The following PTPRB variants were observed in gnomAD, a reference collection of about 807,000 sequenced individuals.
PTPRB encodes protein tyrosine phosphatase receptor type B.
Under a neutral mutation model 238.1 loss-of-function variants are expected in PTPRB, and 97 were observed. The observed-to-expected ratio is 0.41, with a 90% CI of 0.35 to 0.48. The LOEUF (loss-of-function observed/expected upper bound fraction) is 0.48, where lower values mean the gene tolerates loss of function less well. Ranked by LOEUF, PTPRB falls within the 20% of genes least tolerant of loss-of-function variation. The pLI is 0.30. For synonymous variants in PTPRB, 970 were observed against 995.4 expected (o/e 0.97, Z 0.48); for missense variants, 2,292 against 2,681.9 (o/e 0.85, Z 3.21).
rs564114826 is a variant in PTPRB at position 70,531,954 on chromosome 12, C to T, written c.6504+81G>A. On this transcript the variant is annotated intron_variant, in intron 32 of 33. Transcript: ENST00000334414. ...ATGTGTCATAGTTATTTCCCCTTGT[C>T]AGATTAAGGTCCTGGATATTTTTTT... 2.6e-5 allele frequency: 39 copies of T among 1,509,380 alleles called. No individual in the cohort carries two copies. In the Admixed American group the frequency reaches 6.4e-4, roughly 25 times the overall value. The allele number at this position is 1,509,380 out of a possible 1,614,324, so 93.5% of individuals were successfully genotyped here. A position where few individuals can be genotyped will look rare whatever the true frequency, so the allele number is the denominator to read the frequency against.
rs776475062 is a variant in PTPRB, at chr12:70,559,501, T to C, written c.4556A>G (p.Asp1519Gly). 1 of 1,613,986 alleles carries C rather than the reference T, an allele frequency of 6.2e-7. No homozygotes were observed. The highest frequency in any genetic ancestry group is 1.1e-5 in the South Asian group (1 of 91,076). The part of the protein sequence containing the change: ...NDFELQWLPR[D>G]ALTVFNPYNN... ...GTAGGGGTTGAAGACAGTAAGTGCA[T>C]CTCTGGGCAACCACTGCAGCTCAAA... Residue 1519 changes from aspartate to glycine, a missense_variant, in exon 18 of 34, where the codon GAT becomes GGT. By Grantham distance (94) the Asp-to-Gly change is moderately conservative. Transcript: ENST00000334414.
At chr12:70,539,218 C>A in intron 26 of PTPRB, 1 of 589,506 alleles carries the variant, frequency 1.7e-6, no homozygotes, top group East Asian at 2.8e-5. Flanking sequence ...AGGTGAGGCT[C>A]AGTCAGGATA....
intron 2 of PTPRB, among the ~76,000 whole-genome samples, chr12:70,623,607 C>A (rs1885044006): frequency 6.6e-6 from 1 of 152,162 alleles, no homozygotes; most frequent in African/African-American, 2.4e-5. Context: ...ATCTTCCCAT[C>A]AACTCCATAG....
Position 70,596,188 on chromosome 12 carries a change from C to T in PTPRB, c.1119G>A (p.Gln373=). 6.2e-7 allele frequency: 1 copy of T among 1,613,716 alleles called. No individual in the cohort carries two copies. Among genetic ancestry groups the T allele is most frequent in the Non-Finnish European group, 8.5e-7 (1 of 1,179,832 alleles). The change falls in exon 5 of 34, where the codon CAG becomes CAA. Residue 373 remains glutamine (Q), a synonymous_variant. Transcript: ENST00000334414. Reference sequence around the variant, plus strand: ...AAGTACTTTCTTGAATTTGAACCCCCTGTATCTTTTGGTTATTTTCATCAA... The same window carrying T: ...AAGTACTTTCTTGAATTTGAACCCCTTGTATCTTTTGGTTATTTTCATCAA... The part of the protein sequence containing the change: ...QLFDENNQKI[Q]GVQIQESTSW...
At chr12:70,554,960 G>T (rs1394592295) in intron 20 of PTPRB, among the ~76,000 whole-genome samples, 200 bp downstream of exon 20, 1 of 152,200 alleles carries the variant, frequency 6.6e-6, no homozygotes, top group Non-Finnish European at 1.5e-5. Flanking sequence ...AAACCCAGAG[G>T]ATAACAGGCT....
intron 21 of PTPRB, among the ~76,000 whole-genome samples, chr12:70,548,199 G>A (rs1025494740): frequency 1.1e-4 from 17 of 152,034 alleles, no homozygotes; most frequent in Non-Finnish European, 2.1e-4. Flanking sequence ...CGTGTGATGC[G>A]TGCCTGTAGT....
chr12:70,571,215 T>C lies in PTPRB; in HGVS notation c.3181A>G (p.Asn1061Asp). ...ATCTCATATTGGTCGACATCCCCAT[T>C]AGCTCCTGACCAAGTCACATGCAAG... ...EDLHVTWSGA[N>D]GDVDQYEIQL... The change falls in exon 13 of 34, where the codon AAT (asparagine) becomes GAT (aspartate). Residue 1061 changes from asparagine to aspartate, a missense_variant. Asn to Asp is a conservative substitution (Grantham distance 23, BLOSUM62 1). This residue lies in a region of PTPRB where 1,205 missense variants were observed against 1,287.8 expected (regional missense o/e 0.94). Transcript: ENST00000334414. 1 of 1,613,634 alleles carries C rather than the reference T, an allele frequency of 6.2e-7. No homozygotes were observed. Among genetic ancestry groups the C allele is most frequent in the Non-Finnish European group, 8.5e-7 (1 of 1,179,576 alleles).
chr12:70,520,157 T>C lies in PTPRB; in HGVS notation c.*1332A>G, dbSNP rs1286578593. 2.2e-6 allele frequency: 1 copy of C among 456,236 alleles called. No individual in the cohort carries two copies. Among genetic ancestry groups the C allele is most frequent in the Admixed American group, 2.4e-5 (1 of 41,288 alleles). The allele number at this position is 456,236 out of a possible 1,614,324, so 28.3% of individuals were successfully genotyped here. A position where few individuals can be genotyped will look rare whatever the true frequency, so the allele number is the denominator to read the frequency against. Reference sequence around the variant, plus strand: ...CATCTCCAGCTCATCTTCTCAGGTATCTATGAAGATTCCGTACAAACTCCT... The same window carrying C: ...CATCTCCAGCTCATCTTCTCAGGTACCTATGAAGATTCCGTACAAACTCCT... On this transcript the variant is annotated 3_prime_UTR_variant, in exon 34 of 34. Transcript: ENST00000334414.
At chr12:70,528,137 TCTTACTGCAATGTTTATTTCA>T (rs1392607743) in intron 32 of PTPRB, among the ~76,000 whole-genome samples, 1 of 152,192 alleles carries the variant, frequency 6.6e-6, no homozygotes, top group Non-Finnish European at 1.5e-5. Context: ...GAAAATTTTA[TCTTACTGCAATGTTTATTTCA>T]TTATGATGGA....
At chr12:70,566,311 T>C in intron 15 of PTPRB, 124 bp downstream of exon 15, 1 of 1,245,902 alleles carries the variant, frequency 8.0e-7, no homozygotes, top group Non-Finnish European at 1.1e-6. Context: ...AGGGTGAATG[T>C]TCCCAGCGTA....
At chr12:70,541,432 A>C (rs2136258884) in intron 22 of PTPRB, 1 of 153,248 alleles carries the variant, frequency 6.5e-6, no homozygotes, top group East Asian at 1.9e-4. Flanking sequence ...TGAAGAGGTA[A>C]GAGTGGCCTC....
intron 32 of PTPRB, among the ~76,000 whole-genome samples, chr12:70,531,724 TGA>T (rs1206409877): frequency 4.6e-5 from 7 of 150,796 alleles, no homozygotes; most frequent in African/African-American, 1.7e-4. Flanking sequence ...TGGGGTCTCC[TGA>T]AATGGGGGTG....
intron 14 of PTPRB, among the ~76,000 whole-genome samples, chr12:70,567,893 G>A (rs56147131): frequency 0.23 from 35,185 of 151,930 alleles, 4,775 homozygotes; most frequent in African/African-American, 0.38. Context: ...GTTTTGCCAC[G>A]TTGCCCAGGC....
chr12:70,543,354 T>C (rs1043142639), intron 22 of PTPRB, among the ~76,000 whole-genome samples: 3 of 152,364 alleles, frequency 2.0e-5, no homozygotes, highest in Admixed American at 6.5e-5. Flanking sequence ...TTTCCTTGAA[T>C]GTAGTTAATA....
rs1871181198 is a variant in PTPRB at position 70,516,064 on chromosome 12, A to G, written c.*5425T>C. The G allele has an allele frequency of 6.6e-6, 1 of 152,222 alleles. No individual in the cohort carries two copies. The highest frequency in any genetic ancestry group is 2.1e-4 in the South Asian group (1 of 4,834). 9.4% of individuals were successfully genotyped at this position (152,222 alleles called of 1,614,324 possible). ...TGGGTAGATGCTATAATATGAAAAAATAGAATCATCTGCCATCTTAACTGG... is the reference window on the plus strand; with the variant it reads ...TGGGTAGATGCTATAATATGAAAAAGTAGAATCATCTGCCATCTTAACTGG... On this transcript the variant is annotated 3_prime_UTR_variant, in exon 34 of 34. Coordinates refer to ENST00000334414, the MANE Select transcript of PTPRB (RefSeq NM_001109754.4).
At chr12:70,552,640 T>C in intron 21 of PTPRB, 137 bp downstream of exon 21, 1 of 1,137,022 alleles carries the variant, frequency 8.8e-7, no homozygotes, top group Non-Finnish European at 1.2e-6. Flanking sequence ...GTTTATAAAT[T>C]ACCCAGTAAA....
chr12:70,522,411 C>T (rs1367992966), intron 33 of PTPRB: 1 of 152,226 alleles, frequency 6.6e-6, no homozygotes, highest in East Asian at 1.9e-4. Flanking sequence ...TCCTGAAAGA[C>T]TCTGGGCCAG....
At chr12:70,593,635 T>C (rs1882718044) in intron 6 of PTPRB, among the ~76,000 whole-genome samples, 1 of 152,190 alleles carries the variant, frequency 6.6e-6, no homozygotes, top group South Asian at 2.1e-4. Context: ...TAGAACATTT[T>C]TGGCCAGGAA....
At chr12:70,587,496 T>G (rs1050027911) in intron 8 of PTPRB, among the ~76,000 whole-genome samples, 1 of 152,216 alleles carries the variant, frequency 6.6e-6, no homozygotes, top group Non-Finnish European at 1.5e-5. Flanking sequence ...GTCATTGATT[T>G]TTGACTGTAT....
Sources: gnomAD v4.1 joint callset for allele counts (sites outside exome capture counted in the v4.1 genomes callset) on GRCh38, gnomAD v4.1.1 for gene constraint, gnomAD v4.1.1 regional missense constraint, MANE v1.5 for transcripts, NCBI Gene and HGNC (gene_info 2026-07-23, HGNC 2026-07-21) for gene names.